The following METTL5 variants were observed in gnomAD, a reference collection of about 807,000 sequenced individuals.
METTL5 encodes the protein rRNA N(6)-adenosine-methyltransferase METTL5.
In METTL5, 28 loss-of-function variants were observed where a neutral mutation model predicts 26.5. That is an observed-to-expected ratio of 1.06 (90% CI 0.78 to 1.45). The LOEUF is 1.45. Among genes scored for constraint, METTL5 ranks in the 40% most tolerant of loss-of-function variants. The probability of loss-of-function intolerance (pLI) is 0.00; values close to 1 mark genes in which losing one functional copy is unlikely to be tolerated. For missense variants in METTL5, 231 were observed against 249.9 expected, an observed-to-expected ratio of 0.92 and a Z score of 0.51; for synonymous variants, 86 against 82.6, an observed-to-expected ratio of 1.04 and a Z score of -0.22.
intron 5 of METTL5, among the ~76,000 whole-genome samples, chr2:169,814,571 G>A (rs147603316): frequency 0.01 from 1,108 of 109,506 alleles, 13 homozygotes; most frequent in African/African-American, 0.031. Flanking sequence ...CCAACTCCAA[G>A]CCCACTTTTT....
chr2:169,820,632 A>T (rs934587292), intron 3 of METTL5, among the ~76,000 whole-genome samples: 1 of 152,370 alleles, frequency 6.6e-6, no homozygotes, highest in Admixed American at 6.5e-5. Context: ...CTTAATGAAG[A>T]GTAATAACAT....
chr2:169,812,332 C>CTGAG (rs1558974634), intron 6 of METTL5, 125 bp downstream of exon 6: 1 of 1,559,062 alleles, frequency 6.4e-7, no homozygotes, highest in Non-Finnish European at 8.8e-7. Context: ...CCTCTGCCTC[C>CTGAG]TGAGTTCAAG....
chr2:169,818,262 T>A (rs1022443268), intron 4 of METTL5, among the ~76,000 whole-genome samples: 1 of 152,166 alleles, frequency 6.6e-6, no homozygotes, highest in Non-Finnish European at 1.5e-5. Context: ...CTGGGAAAAT[T>A]AATTGTGTCC....
chr2:169,818,441 A>G (rs527632705), intron 4 of METTL5, among the ~76,000 whole-genome samples: 5 of 152,328 alleles, frequency 3.3e-5, no homozygotes, highest in South Asian at 2.1e-4. Context: ...CTAGTGAATC[A>G]TCAAACCTGA....
intron 6 of METTL5, 40 bp from the exon 7 acceptor site, chr2:169,811,898 T>A: frequency 6.3e-7 from 1 of 1,598,882 alleles, no homozygotes; most frequent in Non-Finnish European, 8.6e-7. Flanking sequence ...TTAACTTGTC[T>A]TTTTGTTATG....
chr2:169,823,306 C>T (rs2081609454), intron 1 of METTL5, among the ~76,000 whole-genome samples: 1 of 151,990 alleles, frequency 6.6e-6, no homozygotes, highest in African/African-American at 2.4e-5. Flanking sequence ...AACTGGATTC[C>T]ACTAAAAAAA....
Position 169,817,682 on chromosome 2 carries a change from G to A in METTL5, c.489+1879C>T, listed in dbSNP as rs571048337. ...TCACAAGGACAGAAAACCAAACACC[G>A]CATGTTCTCACTCATAAGTGGGAGT... On this transcript the variant is annotated intron_variant, in intron 4 of 6. Coordinates refer to ENST00000260953, the MANE Select transcript of METTL5 (RefSeq NM_014168.4). Among the ~76,000 whole-genome samples, 28 of 146,230 alleles carry A rather than the reference G, an allele frequency of 1.9e-4. No individual in the cohort carries two copies. The South Asian group carries it at 2.0e-3, about 10-fold the overall frequency.
intron 5 of METTL5, among the ~76,000 whole-genome samples, chr2:169,814,576 C>CT (rs71006043): frequency 8.9e-5 from 11 of 123,804 alleles, no homozygotes; most frequent in Admixed American, 2.4e-4. Flanking sequence ...TCCAAGCCCA[C>CT]TTTTTTTTTT....
At chr2:169,813,549 G>A (rs16823091) in intron 5 of METTL5, among the ~76,000 whole-genome samples, 99,869 of 151,498 alleles carry the variant, frequency 0.66, 33,458 homozygotes, top group Admixed American at 0.74. Context: ...AAGGTGTTCC[G>A]TACTGCATAT....
In METTL5 at chr2:169,814,818, G is replaced by A. The variant is rs1299663007; in HGVS notation, c.541+659C>T. 3.3e-5 allele frequency among the ~76,000 whole-genome samples: 5 copies of A among 151,650 alleles called. No homozygotes were observed. In the East Asian group the frequency reaches 5.9e-4, roughly 18 times the overall value. On this transcript the variant is annotated intron_variant, in intron 5 of 6. Transcript: ENST00000260953. ...TCTCAATTTCCTGACCTCGTGATCC[G>A]CCTGCCTCAGCCTCCCAAAGTGCTG...
chr2:169,815,573 G>T (rs1170842667), intron 4 of METTL5, 45 bp from the exon 5 acceptor site: 3 of 1,440,766 alleles, frequency 2.1e-6, no homozygotes, highest in African/African-American at 1.4e-5. Flanking sequence ...TTTAAATAAT[G>T]ATTTTTTAAA....
rs200704284 is a variant in METTL5 at position 169,817,752 on chromosome 2, C to T, written c.489+1809G>A. 1.3e-4 allele frequency among the ~76,000 whole-genome samples: 5 copies of T among 39,814 alleles called. No homozygotes were observed. In the South Asian group the frequency reaches 3.4e-3, roughly 27 times the overall value. The allele number at this position is 39,814 out of a possible 152,430, so 26.1% of individuals were successfully genotyped here. On this transcript the variant is annotated intron_variant, in intron 4 of 6. Transcript: ENST00000260953. ...GACACAGGGAGGGGAACATAACACA[C>T]GGGGGCCTGTTGGGGGGTGGGGGGC...
chr2:169,820,252 G>A (rs1272530277), intron 3 of METTL5, among the ~76,000 whole-genome samples: 3 of 152,122 alleles, frequency 2.0e-5, no homozygotes, highest in East Asian at 1.9e-4. Flanking sequence ...CACCACGCCC[G>A]GCCAAACTAT....
intron 3 of METTL5, among the ~76,000 whole-genome samples, chr2:169,820,859 C>T (rs908680775): frequency 3.3e-5 from 5 of 150,250 alleles, no homozygotes; most frequent in Admixed American, 6.7e-5. Context: ...ACTATAGGTG[C>T]ACCACCACAC....
chr2:169,813,778 A>C lies in METTL5; in HGVS notation c.542-1272T>G, dbSNP rs566935140. ...TTGGGGAGACTGAGGCAGGAGAAGA[A>C]TCCCTTGAACCCAGGAGGTGGAGGT... On this transcript the variant is annotated intron_variant, in intron 5 of 6. Transcript: ENST00000260953. Among the ~76,000 whole-genome samples the C allele has an allele frequency of 1.8e-4, 27 of 152,086 alleles. 1 individual carries two copies. In the Middle Eastern group the frequency reaches 0.014, roughly 77 times the overall value.
intron 2 of METTL5, 95 bp from the exon 3 acceptor site, chr2:169,821,368 T>A: frequency 1.1e-6 from 1 of 889,790 alleles, no homozygotes; most frequent in Non-Finnish European, 1.7e-6. Flanking sequence ...ACCATATATC[T>A]TTTTAACCCA....
chr2:169,811,816 G>T lies in METTL5; in HGVS notation c.*4C>A, dbSNP rs531785483. ...GTTTTAAACGACTTTTGTTTGCGGG[G>T]CTTTTAAAAGGAAAACCGAATTAGG... is the stretch of plus-strand genomic sequence containing the variant. On this transcript the variant is annotated 3_prime_UTR_variant, in exon 7 of 7. Transcript: ENST00000260953. The T allele has an allele frequency of 1.6e-5, 26 of 1,613,562 alleles. No homozygotes were observed. In the African/African-American group the frequency reaches 3.3e-4, roughly 21 times the overall value.
intron 4 of METTL5, among the ~76,000 whole-genome samples, chr2:169,816,373 C>A (rs1413745644): frequency 6.6e-6 from 1 of 152,100 alleles, no homozygotes; most frequent in African/African-American, 2.4e-5. Context: ...GCCATACTAC[C>A]CAAGGTAATT....
intron 5 of METTL5, among the ~76,000 whole-genome samples, chr2:169,815,254 C>T (rs1458159546): frequency 6.6e-6 from 1 of 152,166 alleles, no homozygotes; most frequent in Non-Finnish European, 1.5e-5. Flanking sequence ...CTGGAGTGAC[C>T]AAATACCTGA....
Sources: allele counts gnomAD v4.1 joint callset (sites outside exome capture counted in the v4.1 genomes callset), GRCh38; gene constraint gnomAD v4.1.1; transcripts MANE v1.5; gene names NCBI Gene and HGNC (gene_info 2026-07-23, HGNC 2026-07-21).